MTO1: variants seen among roughly 807,000 people sequenced by gnomAD.
The protein encoded by MTO1 is mitochondrial tRNA translation optimization 1.
MTO1 carries 46 observed loss-of-function variants against 71.6 expected under a neutral mutation model. The observed-to-expected ratio is 0.64, with a 90% CI of 0.51 to 0.82. MTO1 has a LOEUF of 0.82. Among genes scored for constraint, MTO1 ranks in the 40% least tolerant of loss-of-function variants. MTO1 has a pLI of 0.00. For missense variants in MTO1, 773 were observed against 867.5 expected (o/e 0.89, Z 1.37); for synonymous variants, 297 against 312.1 (o/e 0.95, Z 0.51).
At chr6:73,470,331 C>T (rs985441726) in intron 3 of MTO1, among the ~76,000 whole-genome samples, 4 of 151,844 alleles carry the variant, frequency 2.6e-5, no homozygotes, top group African/African-American at 9.7e-5. Flanking sequence ...CTCAGCCTCT[C>T]GAGTAGCTGG....
At chr6:73,496,548 T>C (rs578068917) in intron 10 of MTO1, among the ~76,000 whole-genome samples, 11 of 151,864 alleles carry the variant, frequency 7.2e-5, no homozygotes, top group African/African-American at 2.7e-4. Context: ...GTTAGTTACA[T>C]ATGTATACAT....
chr6:73,482,585 G>A lies in MTO1; in HGVS notation c.1602G>A (p.Glu534=). The part of the protein sequence containing the change: ...LSSKWKKLIP[E]ASISTSRSLP... ...CTAAATGGAAAAAATTAATCCCAGA[G>A]GCTTCTATAAGTACTAGTAGAAGTC... is the stretch of plus-strand genomic sequence containing the variant. The change falls in exon 9 of 12, where the codon GAG becomes GAA. Residue 534 remains glutamate, a synonymous_variant. Transcript: ENST00000498286. 6.2e-7 allele frequency: 1 copy of A among 1,610,928 alleles called. No homozygotes were observed. The highest frequency in any genetic ancestry group is 8.5e-7 in the Non-Finnish European group (1 of 1,179,642).
chr6:73,482,391 A>C (rs1771528641), intron 8 of MTO1, 58 bp from the exon 9 acceptor site: 1 of 1,560,996 alleles, frequency 6.4e-7, no homozygotes, highest in Non-Finnish European at 8.7e-7. Context: ...CTGTCTCTAC[A>C]AAAAAATTTG....
chr6:73,481,662 G>A (rs978744871), intron 7 of MTO1, among the ~76,000 whole-genome samples: 1 of 152,046 alleles, frequency 6.6e-6, no homozygotes, highest in African/African-American at 2.4e-5. Flanking sequence ...CAGCTACTTG[G>A]GGGGATGAGG....
rs144509962 is a variant in MTO1, at chr6:73,493,354, A to ATGTGTGTGTGTGTG, written c.1756+1024_1756+1037dup. 6.9e-3 allele frequency among the ~76,000 whole-genome samples: 958 copies of ATGTGTGTGTGTGTG among 139,434 alleles called. 2 individuals are homozygous for ATGTGTGTGTGTGTG. Among genetic ancestry groups the ATGTGTGTGTGTGTG allele is most frequent in the East Asian group, 0.029 (130 of 4,446 alleles). The allele number at this position is 139,434 out of a possible 152,430, so 91.5% of individuals were successfully genotyped here. On this transcript the variant is annotated intron_variant, in intron 10 of 11. Coordinates refer to ENST00000498286, the MANE Select transcript of MTO1 (RefSeq NM_012123.4). The stretch of plus-strand genomic sequence containing the variant: ...TACCACTTATTTGAAATGTGCATGT[A>ATGTGTGTGTGTGTG]TGTGTGTGTGTGTGTGTGTGTGTGT...
At chr6:73,489,278 CTTTTTT>C (rs35006239) in intron 9 of MTO1, among the ~76,000 whole-genome samples, 1 of 143,476 alleles carries the variant, frequency 7.0e-6, no homozygotes, top group African/African-American at 2.6e-5. Flanking sequence ...TTCTTTTTTT[CTTTTTT>C]TTTTTTGTAT....
chr6:73,469,478 T>C (rs1771087768), intron 3 of MTO1, among the ~76,000 whole-genome samples: 1 of 151,740 alleles, frequency 6.6e-6, no homozygotes, highest in Non-Finnish European at 1.5e-5. Context: ...AAAAATTAGC[T>C]GGGCGTGGTG....
chr6:73,476,054 G>A (rs374923757), intron 4 of MTO1, among the ~76,000 whole-genome samples: 5 of 151,958 alleles, frequency 3.3e-5, no homozygotes, highest in Admixed American at 3.3e-4. Context: ...CAACTTCCTC[G>A]CTGCGATCTA....
At chr6:73,486,809 C>T (rs947840384) in intron 9 of MTO1, 4 of 168,048 alleles carry the variant, frequency 2.4e-5, no homozygotes, top group Non-Finnish European at 5.2e-5. Flanking sequence ...AATGTCCTCA[C>T]GACCAGGAAT....
chr6:73,471,390 G>A (rs981251674), intron 3 of MTO1: 1 of 430,570 alleles, frequency 2.3e-6, no homozygotes, highest in Non-Finnish European at 4.6e-6. Flanking sequence ...GTTTTTATTA[G>A]TATTTATGTT....
rs150734324 is a variant in MTO1 at position 73,489,619 on chromosome 6, C to A, written c.1638-2615C>A. Among the ~76,000 whole-genome samples the A allele has an allele frequency of 5.2e-3, 785 of 152,116 alleles. 4 individuals carry two copies. The highest frequency in any genetic ancestry group is 0.018 in the African/African-American group (748 of 41,510). On this transcript the variant is annotated intron_variant, in intron 9 of 11. Coordinates refer to ENST00000498286, the MANE Select transcript of MTO1 (RefSeq NM_012123.4). ...GTCCCTACAAAGGACATGAACTCAT[C>A]TTTTTTTATGGCTGCATAGTATTCC... is the stretch of plus-strand genomic sequence containing the variant.
At chr6:73,490,962 A>C (rs1771785928) in intron 9 of MTO1, among the ~76,000 whole-genome samples, 1 of 152,188 alleles carries the variant, frequency 6.6e-6, no homozygotes, top group Non-Finnish European at 1.5e-5. Flanking sequence ...GGCTAAACAC[A>C]GCTGAAGTTT....
intron 3 of MTO1, among the ~76,000 whole-genome samples, 170 bp from the exon 4 acceptor site, chr6:73,473,195 C>T (rs1771198691): frequency 6.6e-6 from 1 of 152,200 alleles, no homozygotes; most frequent in Non-Finnish European, 1.5e-5. Context: ...AGGAGAATTG[C>T]TTGAACCCGG....
intron 4 of MTO1, among the ~76,000 whole-genome samples, chr6:73,475,271 G>A (rs1015635115): frequency 2.0e-5 from 3 of 151,660 alleles, no homozygotes; most frequent in Non-Finnish European, 2.9e-5. Context: ...TCAAATAGGC[G>A]TTTTTTGTTT....
chr6:73,502,895 CA>C lies in MTO1; in HGVS notation c.*2173del, dbSNP rs368546349. On this transcript the variant is annotated 3_prime_UTR_variant, in exon 12 of 12. Coordinates refer to ENST00000498286, the MANE Select transcript of MTO1 (RefSeq NM_012123.4). ...CTGGCAACAGAGTGAGACTCTGTCT[CA>C]AAAAAAAAAAAAGAAACAGGAAGTT... 204 of 129,782 alleles carry C rather than the reference CA, an allele frequency of 1.6e-3. No individual in the cohort carries two copies. The highest frequency in any genetic ancestry group is 1.6e-3 in the Non-Finnish European group (98 of 60,370). 8.0% of individuals were successfully genotyped at this position (129,782 alleles called of 1,614,324 possible). A position where few individuals can be genotyped will look rare whatever the true frequency, so the allele number is the denominator to read the frequency against.
In MTO1 at chr6:73,500,903, T is replaced by A. The variant is rs758050376; in HGVS notation, c.*168T>A. 3.8e-6 allele frequency: 2 copies of A among 526,970 alleles called. No homozygotes were observed. The highest frequency in any genetic ancestry group is 6.0e-6 in the Non-Finnish European group (2 of 335,460). 32.6% of individuals were successfully genotyped at this position (526,970 alleles called of 1,614,324 possible). A position where few individuals can be genotyped will look rare whatever the true frequency, so the allele number is the denominator to read the frequency against. On this transcript the variant is annotated 3_prime_UTR_variant, in exon 12 of 12. Coordinates refer to ENST00000498286, the MANE Select transcript of MTO1 (RefSeq NM_012123.4). ...AATTATAATTGTGCTTTTTCGTGTA[T>A]ATGAAAAAACTAGTCGTAAACAATT...
intron 1 of MTO1, among the ~76,000 whole-genome samples, chr6:73,465,468 T>G (rs1770959199): frequency 6.6e-6 from 1 of 151,462 alleles, no homozygotes; most frequent in East Asian, 2.0e-4. Context: ...CCGGCCCTGT[T>G]TTTTATTTAT....
At chr6:73,479,335 A>G (rs1771421979) in intron 4 of MTO1, among the ~76,000 whole-genome samples, 1 of 151,986 alleles carries the variant, frequency 6.6e-6, no homozygotes, top group South Asian at 2.1e-4. Flanking sequence ...TCTCTACCAA[A>G]AATACAAAAA....
At chr6:73,479,651 C>T (rs1582684201) in intron 4 of MTO1, 81 bp from the exon 5 acceptor site, 11 of 1,106,350 alleles carry the variant, frequency 9.9e-6, no homozygotes, top group Middle Eastern at 3.0e-4. Context: ...AAAGTCAGTA[C>T]GTATCATGTG....
Sources: allele counts gnomAD v4.1 joint callset (sites outside exome capture counted in the v4.1 genomes callset), GRCh38; gene constraint gnomAD v4.1.1; transcripts MANE v1.5; gene names NCBI Gene and HGNC (gene_info 2026-07-23, HGNC 2026-07-21).